FRYL: variants seen among roughly 807,000 people sequenced by gnomAD.
The protein encoded by FRYL is FRY like transcription coactivator.
Under a neutral mutation model 351.2 loss-of-function variants are expected in FRYL, and 150 were observed. The ratio of observed to expected loss-of-function variants is 0.43; its 90% confidence interval spans 0.37 to 0.49. The LOEUF is 0.49. FRYL is among the 20% of genes least tolerant of loss of function. The probability of loss-of-function intolerance (pLI) is 0.00; values close to 1 mark genes in which losing one functional copy is unlikely to be tolerated. For synonymous variants in FRYL, 1,153 were observed against 1,257.1 expected (o/e 0.92, Z 1.75); for missense variants, 3,036 against 3,619.3 (o/e 0.84, Z 4.13).
rs569863961 is a variant in FRYL, at chr4:48,669,604, G to C, written c.-81+15069C>G. ...TATATATGTAAAATTATATTAAAGG[G>C]ATATATATAATTTTTATTACATAAA... On this transcript the variant is annotated intron_variant, in intron 3 of 63. Transcript: ENST00000358350. Among the ~76,000 whole-genome samples the C allele has an allele frequency of 3.2e-3, 476 of 147,328 alleles. 3 individuals carry two copies. The highest frequency in any genetic ancestry group is 0.011 in the African/African-American group (458 of 40,464).
At chr4:48,750,816 C>CCTATGACCCAAGATGG (rs1773181954) in intron 1 of FRYL, among the ~76,000 whole-genome samples, 1 of 152,120 alleles carries the variant, frequency 6.6e-6, no homozygotes. Context: ...CACTTTTCCC[C>CCTATGACCCAAGATGG]CTATGACCCA....
intron 3 of FRYL, among the ~76,000 whole-genome samples, chr4:48,671,789 G>A (rs1457839508): frequency 2.8e-5 from 4 of 142,274 alleles, no homozygotes; most frequent in Non-Finnish European, 6.1e-5. Context: ...GGAGGCAGAG[G>A]TTGCAGTGAG....
At chr4:48,747,263 T>C (rs1772792101) in intron 1 of FRYL, among the ~76,000 whole-genome samples, 1 of 151,700 alleles carries the variant, frequency 6.6e-6, no homozygotes, top group Non-Finnish European at 1.5e-5. Flanking sequence ...TTGTTGGAGA[T>C]AATTTTAAAG....
chr4:48,713,118 C>A (rs1015593831), intron 1 of FRYL, among the ~76,000 whole-genome samples: 1 of 151,948 alleles, frequency 6.6e-6, no homozygotes, highest in African/African-American at 2.4e-5. Flanking sequence ...CCAGCCGCTG[C>A]AAAATCATGC....
chr4:48,583,129 G>T (rs1434916737), intron 19 of FRYL, among the ~76,000 whole-genome samples: 11 of 150,916 alleles, frequency 7.3e-5, no homozygotes, highest in Non-Finnish European at 1.0e-4. Context: ...ACTATCACTG[G>T]CAAGGACACG....
chr4:48,662,274 C>T (rs1760887510), intron 3 of FRYL, among the ~76,000 whole-genome samples: 3 of 152,020 alleles, frequency 2.0e-5, no homozygotes, highest in Admixed American at 2.0e-4. Context: ...GACTTTGTCT[C>T]TATAAACAAA....
At chr4:48,695,182 C>T (rs1295990741) in intron 2 of FRYL, among the ~76,000 whole-genome samples, 1 of 152,120 alleles carries the variant, frequency 6.6e-6, no homozygotes, top group Non-Finnish European at 1.5e-5. Flanking sequence ...AGAAGATAAC[C>T]TCCAGAGTTT....
chr4:48,621,440 T>C (rs919211441), intron 5 of FRYL, among the ~76,000 whole-genome samples: 13 of 152,216 alleles, frequency 8.5e-5, no homozygotes, highest in African/African-American at 2.9e-4. Context: ...TCACAGATTC[T>C]TTTCATGAAT....
At position 48,741,718 on chromosome 4, in the gene FRYL, T is replaced by C. The variant is rs192858408; in HGVS notation, c.-383-31020A>G. Among the ~76,000 whole-genome samples the C allele has an allele frequency of 1.0e-3, 159 of 151,888 alleles. 1 individual carries two copies. Among genetic ancestry groups the C allele is most frequent in the African/African-American group, 3.7e-3 (154 of 41,402 alleles). ...CTCAAAATAATAATAATAATAATAA[T>C]AGTAATAATAAAGACATGGAGGAAA... On this transcript the variant is annotated intron_variant, in intron 1 of 63. Coordinates refer to ENST00000358350, the MANE Select transcript of FRYL (RefSeq NM_015030.2).
intron 1 of FRYL, among the ~76,000 whole-genome samples, chr4:48,714,802 G>A (rs1273646699): frequency 8.7e-5 from 13 of 149,398 alleles, no homozygotes; most frequent in East Asian, 3.9e-4. Flanking sequence ...TACCAAAGCC[G>A]GGCAGAGACA....
intron 1 of FRYL, among the ~76,000 whole-genome samples, chr4:48,760,953 C>T (rs1774342042): frequency 1.3e-5 from 2 of 151,854 alleles, no homozygotes; most frequent in East Asian, 1.9e-4. Flanking sequence ...GCTGCGATTA[C>T]AGGCATGAGC....
At chr4:48,539,728 G>C (rs995147961) in intron 47 of FRYL, among the ~76,000 whole-genome samples, 16 of 152,108 alleles carry the variant, frequency 1.1e-4, no homozygotes, top group African/African-American at 3.9e-4. Flanking sequence ...AAAAAGAGCA[G>C]AAAAAGACTC....
At position 48,593,933 on chromosome 4, in the gene FRYL, T is replaced by C. The variant is rs756088139; in HGVS notation, c.1332A>G (p.Pro444=). The change falls in exon 16 of 64, where the codon CCA becomes CCG. Residue 444 remains proline (P), a synonymous_variant. Coordinates refer to ENST00000358350, the MANE Select transcript of FRYL (RefSeq NM_015030.2). ...GKSTKTFTIN[P]ERMNIGLRVF... is the part of the protein sequence containing the mutation. ...TATTACATTATAATTTTTTTACCTCTGGATTAATGGTGAAAGTTTTAGTAG... is the reference window on the plus strand; with the variant it reads ...TATTACATTATAATTTTTTTACCTCCGGATTAATGGTGAAAGTTTTAGTAG... The C allele has an allele frequency of 3.6e-5, 49 of 1,344,840 alleles. No homozygotes were observed. Among genetic ancestry groups the C allele is most frequent in the Non-Finnish European group, 4.8e-5 (48 of 1,009,086 alleles). The allele number at this position is 1,344,840 out of a possible 1,614,324, so 83.3% of individuals were successfully genotyped here. A position where few individuals can be genotyped will look rare whatever the true frequency, so the allele number is the denominator to read the frequency against.
At chr4:48,691,957 G>A (rs968866670) in intron 2 of FRYL, among the ~76,000 whole-genome samples, 1 of 152,114 alleles carries the variant, frequency 6.6e-6, no homozygotes, top group African/African-American at 2.4e-5. Flanking sequence ...AATGAGTACT[G>A]CAGTGCTATT....
rs1461845765 is a variant in FRYL at position 48,623,128 on chromosome 4, G to A, written c.172C>T (p.Gln58Ter). ...AAATTCTCCCAAAATTGTCATACCT[G>A]ATCAAACTGAAGATCTTCACCCCTC... ...LQRGEDLQFD[Q>*]LISSMSSVAE... The change falls in exon 5 of 64, where the codon CAG becomes TAG. Residue 58 changes from glutamine to a stop codon, truncating the protein, a stop_gained and splice_region_variant. Transcript: ENST00000358350. LOFTEE classifies it high-confidence loss of function. 2 of 1,578,532 alleles carry A rather than the reference G, an allele frequency of 1.3e-6. No homozygotes were observed. Among genetic ancestry groups the A allele is most frequent in the Non-Finnish European group, 1.7e-6 (2 of 1,161,598 alleles).
Position 48,620,708 on chromosome 4 carries a change from T to C in FRYL, c.245A>G (p.Tyr82Cys), listed in dbSNP as rs1443259754. The change falls in exon 6 of 64, where the codon TAC becomes TGC. Residue 82 changes from tyrosine to cysteine, a missense_variant. Physicochemically the swap from Tyr to Cys is radical, Grantham distance 194. Coordinates refer to ENST00000358350, the MANE Select transcript of FRYL (RefSeq NM_015030.2). ...ATCTTCCGTTCCATTTTGGCGTCTG[T>C]ACCAGTCAAACAAGGTGCGAAGTAA... The part of the protein sequence containing the change: ...PSLLRTLFDW[Y>C]RRQNGTEDES... The C allele has an allele frequency of 1.2e-6, 2 of 1,613,972 alleles. No homozygotes were observed. Among genetic ancestry groups the C allele is most frequent in the Non-Finnish European group, 1.7e-6 (2 of 1,179,866 alleles).
At chr4:48,540,999 C>A in intron 45 of FRYL, 39 bp from the exon 46 acceptor site, 1 of 1,447,934 alleles carries the variant, frequency 6.9e-7, no homozygotes, top group South Asian at 1.7e-5. Flanking sequence ...CATACCCAGT[C>A]ACTTCTTTTG....
chr4:48,598,719 T>G (rs1028144194), intron 13 of FRYL: 14 of 265,870 alleles, frequency 5.3e-5, no homozygotes, highest in Non-Finnish European at 7.5e-5. Flanking sequence ...TAGAAGCAGG[T>G]TGGAATAAAT....
At chr4:48,596,954 T>C (rs1410021444) in intron 13 of FRYL, among the ~76,000 whole-genome samples, 1 of 152,076 alleles carries the variant, frequency 6.6e-6, no homozygotes, top group Non-Finnish European at 1.5e-5. Flanking sequence ...TGCACATCTA[T>C]TTGGATAAAG....
Sources: gnomAD v4.1 joint callset for allele counts (sites outside exome capture counted in the v4.1 genomes callset) on GRCh38, gnomAD v4.1.1 for gene constraint, MANE v1.5 for transcripts, NCBI Gene and HGNC (gene_info 2026-07-23, HGNC 2026-07-21) for gene names.